Variants in PALD1 observed in about 807,000 individuals in gnomAD.
PALD1 encodes the protein paladin.
In PALD1, 57 loss-of-function variants were observed where a neutral mutation model predicts 96.0. The ratio of observed to expected loss-of-function variants is 0.59; its 90% confidence interval spans 0.48 to 0.74. The LOEUF (loss-of-function observed/expected upper bound fraction) is 0.74, where lower values mean the gene tolerates loss of function less well. PALD1 is among the 30% of genes least tolerant of loss of function. PALD1 has a pLI of 0.00. For synonymous variants in PALD1, 464 were observed against 473.6 expected, an observed-to-expected ratio of 0.98 and a Z score of 0.26; for missense variants, 1,063 against 1,143.7, an observed-to-expected ratio of 0.93 and a Z score of 1.02.
chr10:70,463,671 A>G, the PALD1 span, among the ~76,000 whole-genome samples: 1 of 152,118 alleles, frequency 6.6e-6, no homozygotes, highest in African/African-American at 2.4e-5. Flanking sequence ...CAAACAGGCA[A>G]AAAAAACCAG....
chr10:70,516,233 C>T (rs932405258), intron 1 of PALD1, among the ~76,000 whole-genome samples: 4 of 152,072 alleles, frequency 2.6e-5, no homozygotes, highest in African/African-American at 9.7e-5. Flanking sequence ...TGGGTTCCAG[C>T]GATCCTCCTG....
rs1286791080 is a variant in PALD1, at chr10:70,526,015, C to T, written c.64C>T (p.Gln22Ter). Residue 22 changes from glutamine (Q) to a stop codon, truncating the protein, a stop_gained, in exon 2 of 20, where the codon CAG becomes TAG. Coordinates refer to ENST00000263563, the MANE Select transcript of PALD1 (RefSeq NM_014431.3). LOFTEE classifies it high-confidence loss of function. ...GGCAGGCACCCCATTTGAGGGCCTA[C>T]AGGGCAGTGGCACGATGGACAGTCG... ...VSAGTPFEGL[Q>*]GSGTMDSRHS... is the part of the protein sequence containing the mutation. 6.2e-7 allele frequency: 1 copy of T among 1,614,080 alleles called. No homozygotes were observed. Among genetic ancestry groups the T allele is most frequent in the Non-Finnish European group, 8.5e-7 (1 of 1,180,044 alleles).
intron 4 of PALD1, 61 bp downstream of exon 4, chr10:70,530,129 G>A: frequency 7.1e-7 from 1 of 1,400,228 alleles, no homozygotes. Flanking sequence ...GGGGCACCTT[G>A]GAGGGGCAGC....
the PALD1 span, among the ~76,000 whole-genome samples, chr10:70,464,522 TTCAC>T: frequency 6.6e-6 from 1 of 151,884 alleles, no homozygotes. Context: ...CCTGGCTTCT[TTCAC>T]TCATCATTAG....
intron 1 of PALD1, among the ~76,000 whole-genome samples, chr10:70,508,973 C>T (rs1846460917): frequency 6.6e-6 from 1 of 151,228 alleles, no homozygotes; most frequent in Admixed American, 6.6e-5. Flanking sequence ...TAGGGGAACC[C>T]TGCAGCACGG....
rs983160294 is a variant in PALD1 at position 70,494,655 on chromosome 10, C to T, written c.-30+15596C>T. Among the ~76,000 whole-genome samples the T allele has an allele frequency of 5.9e-5, 9 of 152,256 alleles. No homozygotes were observed. The South Asian group carries it at 1.0e-3, about 18-fold the overall frequency. ...TGGCAGCTACCTCTGGGCATTTGCA[C>T]GGAAAGGATGGTAAGAGCCTGTTCC... On this transcript the variant is annotated intron_variant, in intron 1 of 19. Transcript: ENST00000263563.
chr10:70,531,139 C>G, intron 4 of PALD1, 151 bp from the exon 5 acceptor site: 1 of 652,008 alleles, frequency 1.5e-6, no homozygotes, highest in Non-Finnish European at 2.7e-6. Flanking sequence ...TTGGACTGAG[C>G]TTTGTTTCTT....
At chr10:70,536,339 C>G (rs1050966312) in intron 10 of PALD1, among the ~76,000 whole-genome samples, 1 of 152,080 alleles carries the variant, frequency 6.6e-6, no homozygotes, top group Non-Finnish European at 1.5e-5. Context: ...AAAAAAAATC[C>G]CATACAGTAC....
chr10:70,463,509 C>T, the PALD1 span, among the ~76,000 whole-genome samples: 1 of 151,948 alleles, frequency 6.6e-6, no homozygotes, highest in Non-Finnish European at 1.5e-5. Context: ...ATAATTCTAC[C>T]TGCTCTAGAG....
chr10:70,526,216 C>T (rs751124336), intron 2 of PALD1, 80 bp downstream of exon 2: 1 of 1,147,620 alleles, frequency 8.7e-7, no homozygotes, highest in Middle Eastern at 2.0e-4. Flanking sequence ...CAGTGGCATA[C>T]AGCACTTAAC....
In PALD1 at chr10:70,501,921, T is replaced by C. The variant is rs183362226; in HGVS notation, c.-30+22862T>C. ...AATGGAACAAAACTCTAAAATCCTG[T>C]AGTGTCTTTTTTTTTTTAAACTAGA... is the stretch of plus-strand genomic sequence containing the variant. On this transcript the variant is annotated intron_variant, in intron 1 of 19. Transcript: ENST00000263563. Among the ~76,000 whole-genome samples, 24 of 152,020 alleles carry C rather than the reference T, an allele frequency of 1.6e-4. No homozygotes were observed. The East Asian group carries it at 4.3e-3, about 27-fold the overall frequency.
chr10:70,479,824 A>G (rs1845898175), intron 1 of PALD1, among the ~76,000 whole-genome samples: 1 of 152,214 alleles, frequency 6.6e-6, no homozygotes, highest in African/African-American at 2.4e-5. Context: ...CACCTCTTAA[A>G]TGCCAGGAAG....
intron 17 of PALD1, among the ~76,000 whole-genome samples, chr10:70,543,733 A>G (rs540912956): frequency 2.3e-4 from 35 of 152,156 alleles, no homozygotes; most frequent in Non-Finnish European, 4.3e-4. Flanking sequence ...TAGTCTTTGC[A>G]TCGGTGCCTT....
chr10:70,538,311 G>A lies in PALD1; in HGVS notation c.1355G>A (p.Arg452His), dbSNP rs147348399. Residue 452 changes from arginine to histidine, a missense_variant, in exon 12 of 20, where the codon CGC becomes CAC. By Grantham distance (29) the Arg-to-His change is conservative (BLOSUM62 0). Coordinates refer to ENST00000263563, the MANE Select transcript of PALD1 (RefSeq NM_014431.3). ...YPLAFALSFSRWLCAHPELYR... is the reference protein window; with the variant it reads ...YPLAFALSFSHWLCAHPELYR... The stretch of plus-strand genomic sequence containing the variant: ...CTGGCCTTTGCCCTCAGTTTCAGCC[G>A]CTGGCTGTGTGCCCACCCTGAGCTG... 2.7e-4 allele frequency: 433 copies of A among 1,605,028 alleles called. 1 individual carries two copies. The highest frequency in any genetic ancestry group is 3.4e-4 in the Non-Finnish European group (399 of 1,179,862).
At chr10:70,501,840 C>CGCGCGT (rs1846304190) in intron 1 of PALD1, among the ~76,000 whole-genome samples, 6 of 25,602 alleles carry the variant, frequency 2.3e-4, no homozygotes, top group East Asian at 5.9e-3. Flanking sequence ...TGTGTGCGTG[C>CGCGCGT]GTGCATGCAT....
chr10:70,549,046 CA>C (rs71472976), intron 18 of PALD1, among the ~76,000 whole-genome samples: 18,063 of 74,434 alleles, frequency 0.24, 1,007 homozygotes, highest in East Asian at 0.31. Flanking sequence ...TTGTCTCTAC[CA>C]AAAAAAAAAA....
intron 1 of PALD1, among the ~76,000 whole-genome samples, chr10:70,504,134 T>C (rs1283715758): frequency 1.3e-5 from 2 of 152,262 alleles, no homozygotes; most frequent in Non-Finnish European, 2.9e-5. Flanking sequence ...TTCTCAGGGC[T>C]CCTTTACACT....
chr10:70,522,757 C>T (rs2132344706), intron 1 of PALD1, among the ~76,000 whole-genome samples: 1 of 152,328 alleles, frequency 6.6e-6, no homozygotes, highest in South Asian at 2.1e-4. Flanking sequence ...CCTTTGCTGA[C>T]CCCTGTCCCT....
Position 70,541,491 on chromosome 10 carries a change from T to G in PALD1, c.2078T>G (p.Leu693Arg). 6.2e-7 allele frequency: 1 copy of G among 1,613,816 alleles called. No individual in the cohort carries two copies. Among genetic ancestry groups the G allele is most frequent in the Non-Finnish European group, 8.5e-7 (1 of 1,179,922 alleles). ...TTCCCCGAGGTGGGTGAGGAGGAGC[T>G]CGTGAGTGTGCCTGATGCCAAGTTC... is the stretch of plus-strand genomic sequence containing the variant. The part of the protein sequence containing the change: ...QGFPEVGEEE[L>R]VSVPDAKFTK... Residue 693 changes from leucine (L) to arginine (R), a missense_variant, in exon 17 of 20, where the codon CTC (leucine) becomes CGC (arginine). Leu to Arg is a moderately radical substitution (Grantham distance 102). Coordinates refer to ENST00000263563, the MANE Select transcript of PALD1 (RefSeq NM_014431.3).
Sources: allele counts gnomAD v4.1 joint callset (sites outside exome capture counted in the v4.1 genomes callset), GRCh38; gene constraint gnomAD v4.1.1; transcripts MANE v1.5; gene names NCBI Gene and HGNC (gene_info 2026-07-23, HGNC 2026-07-21).